The following NEDD4L variants were observed in gnomAD, a reference collection of about 807,000 sequenced individuals.
The protein encoded by NEDD4L is NEDD4 like E3 ubiquitin protein ligase, also known as E3 ubiquitin-protein ligase NEDD4-like.
In NEDD4L, 54 loss-of-function variants were observed where a neutral mutation model predicts 148.9. The ratio of observed to expected loss-of-function variants is 0.36; its 90% CI spans 0.29 to 0.45. The LOEUF (loss-of-function observed/expected upper bound fraction) is 0.45. NEDD4L is among the 20% of genes least tolerant of loss of function. The pLI, the probability that NEDD4L is intolerant of heterozygous loss-of-function variation, is 1.00. For missense variants in NEDD4L, 856 were observed against 1,233.8 expected (o/e 0.69, Z 4.59); for synonymous variants, 433 against 440.7 (o/e 0.98, Z 0.22).
At chr18:58,070,780 C>A (rs540095128) in intron 1 of NEDD4L, among the ~76,000 whole-genome samples, 93 of 115,854 alleles carry the variant, frequency 8.0e-4, no homozygotes, top group African/African-American at 2.9e-3. Flanking sequence ...GTAAGGAAAT[C>A]TCTGTGTAGT....
intron 1 of NEDD4L, among the ~76,000 whole-genome samples, chr18:58,066,638 A>C (rs757056442): frequency 6.6e-6 from 1 of 152,000 alleles, no homozygotes; most frequent in Non-Finnish European, 1.5e-5. Context: ...TTACACTCCT[A>C]TAACGACATA....
chr18:58,153,765 G>A (rs540604889), intron 1 of NEDD4L, among the ~76,000 whole-genome samples: 18 of 152,020 alleles, frequency 1.2e-4, no homozygotes, highest in African/African-American at 4.3e-4. Context: ...TCCTGACTCA[G>A]CCTCCTGAGT....
intron 1 of NEDD4L, among the ~76,000 whole-genome samples, chr18:58,086,967 G>C (rs2083791020): frequency 6.6e-6 from 1 of 152,198 alleles, no homozygotes; most frequent in African/African-American, 2.4e-5. Context: ...ACCTGATGAG[G>C]TTCTGCTGGT....
At chr18:58,129,803 T>TG (rs2145934856) in intron 1 of NEDD4L, among the ~76,000 whole-genome samples, 1 of 151,816 alleles carries the variant, frequency 6.6e-6, no homozygotes, top group South Asian at 2.1e-4. Context: ...TGGGCTCTGT[T>TG]GGGGTTTGGT....
At chr18:58,252,150 G>A in intron 5 of NEDD4L, 96 bp downstream of exon 5, 1 of 821,122 alleles carries the variant, frequency 1.2e-6, no homozygotes, top group African/African-American at 1.7e-5. Context: ...GTTGTACTTA[G>A]GACAGTATAT....
At chr18:58,137,313 C>G (rs1163614878) in intron 1 of NEDD4L, among the ~76,000 whole-genome samples, 1 of 152,182 alleles carries the variant, frequency 6.6e-6, no homozygotes, top group Non-Finnish European at 1.5e-5. Context: ...GAAATGAGTT[C>G]TGTGTGTTTT....
At chr18:58,306,979 A>T (rs1405382666) in intron 5 of NEDD4L, among the ~76,000 whole-genome samples, 1 of 152,198 alleles carries the variant, frequency 6.6e-6, no homozygotes, top group Non-Finnish European at 1.5e-5. Context: ...ATGATAGATG[A>T]GCTACAGGTT....
At chr18:58,369,864 C>A (rs1355773688) in intron 22 of NEDD4L, among the ~76,000 whole-genome samples, 1 of 152,232 alleles carries the variant, frequency 6.6e-6, no homozygotes, top group African/African-American at 2.4e-5. Context: ...CCATTTCCAG[C>A]CTGTCCCCTT....
intron 1 of NEDD4L, among the ~76,000 whole-genome samples, chr18:58,077,406 A>G (rs369950309): frequency 2.0e-5 from 3 of 152,134 alleles, no homozygotes; most frequent in South Asian, 2.1e-4. Flanking sequence ...AGTTCAAGCA[A>G]TCTACCCACC....
At chr18:58,100,434 A>G (rs899517008) in intron 1 of NEDD4L, among the ~76,000 whole-genome samples, 1 of 152,214 alleles carries the variant, frequency 6.6e-6, no homozygotes, top group Admixed American at 6.5e-5. Context: ...GTTTTAGCAA[A>G]CAGATCCAGA....
chr18:58,081,949 CTATT>C (rs2083454053), intron 1 of NEDD4L, among the ~76,000 whole-genome samples: 1 of 151,296 alleles, frequency 6.6e-6, no homozygotes, highest in African/African-American at 2.4e-5. Context: ...TGTGATAGGG[CTATT>C]TATTGTATTT....
In NEDD4L at chr18:58,252,007, C is replaced by G; in HGVS notation, c.250C>G (p.Pro84Ala). 1 of 1,561,242 alleles carries G rather than the reference C, an allele frequency of 6.4e-7. No individual in the cohort carries two copies. The highest frequency in any genetic ancestry group is 1.1e-5 in the South Asian group (1 of 89,876). Residue 84 changes from proline to alanine, a missense_variant, in exon 5 of 31, where the codon CCA (proline) becomes GCA (alanine). Pro to Ala is a conservative substitution (Grantham distance 27). Around this residue, in one of 4 missense-constraint regions of NEDD4L, gnomAD observed 193 missense variants for 244.2 expected, o/e 0.79. Coordinates refer to ENST00000400345, the MANE Select transcript of NEDD4L (RefSeq NM_001144967.3). ...CTATTTATGTTCCTTATAGGTAAAC[C>G]CATCTAATCACAGACTCCTATTTGA... ...WNEEFYFRVN[P>A]SNHRLLFEVF...
chr18:58,401,208 T>G lies in NEDD4L; in HGVS notation c.*4939T>G, dbSNP rs984650282. Reference sequence around the variant, plus strand: ...TAAATTATCAATGTTTCATAACTTTTTATTATAAACCCACCTCCTAATAGG... The same window carrying G: ...TAAATTATCAATGTTTCATAACTTTGTATTATAAACCCACCTCCTAATAGG... On this transcript the variant is annotated 3_prime_UTR_variant, in exon 31 of 31. Coordinates refer to ENST00000400345, the MANE Select transcript of NEDD4L (RefSeq NM_001144967.3). 6.6e-6 allele frequency: 1 copy of G among 152,246 alleles called. No homozygotes were observed. Among genetic ancestry groups the G allele is most frequent in the Non-Finnish European group, 1.5e-5 (1 of 68,042 alleles). 9.4% of individuals were successfully genotyped at this position (152,246 alleles called of 1,614,324 possible). A position where few individuals can be genotyped will look rare whatever the true frequency, so the allele number is the denominator to read the frequency against.
At position 58,330,035 on chromosome 18, in the gene NEDD4L, C is replaced by T. The variant is rs1455542245; in HGVS notation, c.814-703C>T. ...TAGGTGAACAGAAATGTGTAATTTT[C>T]CCTTTAAATAGTTATGGTATGTTAC... On this transcript the variant is annotated intron_variant, in intron 10 of 30. Coordinates refer to ENST00000400345, the MANE Select transcript of NEDD4L (RefSeq NM_001144967.3). Among the ~76,000 whole-genome samples the T allele has an allele frequency of 2.6e-5, 4 of 152,056 alleles. No individual in the cohort carries two copies. The East Asian group carries it at 7.7e-4, about 29-fold the overall frequency.
intron 5 of NEDD4L, among the ~76,000 whole-genome samples, chr18:58,301,001 T>C (rs2056388971): frequency 1.3e-5 from 2 of 152,206 alleles, no homozygotes; most frequent in South Asian, 4.1e-4. Context: ...TAAAGAATCT[T>C]TGAATCGCCG....
At position 58,400,910 on chromosome 18, in the gene NEDD4L, A is replaced by G. The variant is rs2050807608; in HGVS notation, c.*4641A>G. 1 of 152,196 alleles carries G rather than the reference A, an allele frequency of 6.6e-6. No individual in the cohort carries two copies. The allele number at this position is 152,196 out of a possible 1,614,324, so 9.4% of individuals were successfully genotyped here. ...CTCTGTATGTAATATATATACATAT[A>G]TACGTACATATGCTGTCCAAATATA... On this transcript the variant is annotated 3_prime_UTR_variant, in exon 31 of 31. Transcript: ENST00000400345.
At chr18:58,255,973 G>A (rs1449763130) in intron 5 of NEDD4L, 1 of 1,230,756 alleles carries the variant, frequency 8.1e-7, no homozygotes, top group Non-Finnish European at 1.0e-6. Context: ...GGCCGCCCGA[G>A]GGCGCCGACG....
At chr18:58,156,153 A>G (rs765234474) in intron 1 of NEDD4L, among the ~76,000 whole-genome samples, 2 of 152,078 alleles carry the variant, frequency 1.3e-5, no homozygotes, top group African/African-American at 4.8e-5. Context: ...TCCTGTTTTT[A>G]TATCCTAAAA....
At chr18:58,389,947 G>T (rs1277221539) in intron 28 of NEDD4L, 1 of 152,106 alleles carries the variant, frequency 6.6e-6, no homozygotes, top group Non-Finnish European at 1.5e-5. Flanking sequence ...GGGATTACAG[G>T]CATGAGCCAC....
Sources: gnomAD v4.1 joint callset for allele counts (sites outside exome capture counted in the v4.1 genomes callset) on GRCh38, gnomAD v4.1.1 for gene constraint, gnomAD v4.1.1 regional missense constraint, MANE v1.5 for transcripts, NCBI Gene and HGNC (gene_info 2026-07-23, HGNC 2026-07-21) for gene names.